Variants in PDZRN4 observed in about 807,000 individuals in gnomAD.
PDZRN4 encodes the protein PDZ domain containing ring finger 4.
In PDZRN4, 70 loss-of-function variants were observed where a neutral mutation model predicts 99.0. The observed-to-expected ratio is 0.71, with a 90% CI of 0.58 to 0.86. The LOEUF is 0.86. Ranked by LOEUF, PDZRN4 falls within the 40% of genes least tolerant of loss-of-function variation. The pLI is 0.00. For synonymous variants in PDZRN4, 551 were observed against 501.6 expected (o/e 1.10, Z -1.32); for missense variants, 1,474 against 1,331.2 (o/e 1.11, Z -1.67).
At chr12:41,550,982 T>C (rs1939043028) in intron 5 of PDZRN4, among the ~76,000 whole-genome samples, 1 of 152,224 alleles carries the variant, frequency 6.6e-6, no homozygotes, top group Non-Finnish European at 1.5e-5. Context: ...TTTTCCTTCA[T>C]TTTGTACTGG....
chr12:41,446,257 A>ATTTATTTATTTATTTATTTG (rs1449189657), intron 3 of PDZRN4, among the ~76,000 whole-genome samples: 1 of 150,440 alleles, frequency 6.6e-6, no homozygotes, highest in African/African-American at 2.4e-5. Context: ...TTATTTATTT[A>ATTTATTTATTTATTTATTTG]TTTATTTATT....
At chr12:41,342,964 C>T (rs909540411) in intron 3 of PDZRN4, among the ~76,000 whole-genome samples, 1 of 151,744 alleles carries the variant, frequency 6.6e-6, no homozygotes, top group Non-Finnish European at 1.5e-5. Flanking sequence ...CCCTAAGTAT[C>T]CAACAATTAA....
At position 41,572,473 on chromosome 12, in the gene PDZRN4, A is replaced by T; in HGVS notation, c.1694A>T (p.Asp565Val). 6.2e-7 allele frequency: 1 copy of T among 1,614,160 alleles called. No homozygotes were observed. The highest frequency in any genetic ancestry group is 8.5e-7 in the Non-Finnish European group (1 of 1,179,998). ...CGTACAGATGAAAGCTTGCGAAATGATGAGAGCTCAGAGCAGGAGAATGCA... is the reference window on the plus strand; with the variant it reads ...CGTACAGATGAAAGCTTGCGAAATGTTGAGAGCTCAGAGCAGGAGAATGCA... ...VGRTDESLRN[D>V]ESSEQENAAE... Residue 565 changes from aspartate (D) to valine (V), a missense_variant, in exon 10 of 10, where the codon GAT (aspartate) becomes GTT (valine). By Grantham distance (152) the Asp-to-Val change is radical. Transcript: ENST00000402685.
intron 3 of PDZRN4, among the ~76,000 whole-genome samples, chr12:41,464,210 A>G (rs1952902760): frequency 6.6e-6 from 1 of 152,198 alleles, no homozygotes; most frequent in Non-Finnish European, 1.5e-5. Flanking sequence ...CACATTCCAC[A>G]GATGATAAAA....
intron 3 of PDZRN4, among the ~76,000 whole-genome samples, chr12:41,316,496 A>G (rs551859008): frequency 2.1e-4 from 27 of 126,036 alleles, no homozygotes; most frequent in Admixed American, 3.1e-4. Context: ...GTGTGTGTGT[A>G]TAAAATAAAA....
intron 3 of PDZRN4, among the ~76,000 whole-genome samples, chr12:41,387,649 TA>T (rs1228416223): frequency 2.0e-5 from 3 of 152,086 alleles, no homozygotes; most frequent in Non-Finnish European, 4.4e-5. Flanking sequence ...AAGGAAGACA[TA>T]CAGCGGCCAA....
chr12:41,546,493 A>G (rs1249140109), intron 5 of PDZRN4, among the ~76,000 whole-genome samples: 1 of 152,220 alleles, frequency 6.6e-6, no homozygotes, highest in Non-Finnish European at 1.5e-5. Flanking sequence ...TCAGTCCCAT[A>G]AAACTGAATG....
intron 3 of PDZRN4, among the ~76,000 whole-genome samples, chr12:41,226,476 G>A (rs908663074): frequency 6.6e-6 from 1 of 151,884 alleles, no homozygotes; most frequent in East Asian, 1.9e-4. Context: ...AAGCTCTTGA[G>A]TAAATTTTGT....
intron 3 of PDZRN4, among the ~76,000 whole-genome samples, chr12:41,279,900 A>G (rs569260204): frequency 6.6e-6 from 1 of 152,304 alleles, no homozygotes; most frequent in South Asian, 2.1e-4. Flanking sequence ...GGTAGAAAAC[A>G]GCAACATAGG....
chr12:41,478,360 C>T (rs1036331329), intron 3 of PDZRN4, among the ~76,000 whole-genome samples: 36 of 152,140 alleles, frequency 2.4e-4, no homozygotes, highest in African/African-American at 8.2e-4. Context: ...AGGTGATCCG[C>T]CTGTCTCAGC....
At chr12:41,226,822 TATC>T (rs562354290) in intron 3 of PDZRN4, among the ~76,000 whole-genome samples, 2 of 152,276 alleles carry the variant, frequency 1.3e-5, no homozygotes, top group South Asian at 4.1e-4. Flanking sequence ...AGTGGCCAGA[TATC>T]ATAATATTGA....
intron 3 of PDZRN4, among the ~76,000 whole-genome samples, chr12:41,349,714 C>T (rs1016522991): frequency 1.3e-5 from 2 of 151,900 alleles, no homozygotes; most frequent in African/African-American, 4.8e-5. Flanking sequence ...GAATAAGGAG[C>T]TTTCTTGCTT....
chr12:41,413,700 G>A (rs972814687), intron 3 of PDZRN4, among the ~76,000 whole-genome samples: 1 of 151,988 alleles, frequency 6.6e-6, no homozygotes, highest in Non-Finnish European at 1.5e-5. Context: ...ATGAGTCTAT[G>A]GGTGCCCTTA....
At chr12:41,429,829 G>T (rs1952570871) in intron 3 of PDZRN4, among the ~76,000 whole-genome samples, 2 of 143,550 alleles carry the variant, frequency 1.4e-5, no homozygotes, top group Admixed American at 1.4e-4. Flanking sequence ...TATCACTGCT[G>T]TACTTACACT....
intron 3 of PDZRN4, among the ~76,000 whole-genome samples, chr12:41,466,388 G>C (rs145642129): frequency 9.2e-5 from 14 of 152,292 alleles, no homozygotes; most frequent in African/African-American, 3.4e-4. Flanking sequence ...GAAATTACAG[G>C]AGGATTAATC....
At position 41,555,644 on chromosome 12, in the gene PDZRN4, T is replaced by C. The variant is rs1939144989; in HGVS notation, c.1303-54T>C. 6.7e-6 allele frequency: 9 copies of C among 1,346,294 alleles called. No individual in the cohort carries two copies. In the East Asian group the frequency reaches 6.9e-5, roughly 10 times the overall value. 83.4% of individuals were successfully genotyped at this position (1,346,294 alleles called of 1,614,324 possible). On this transcript the variant is annotated intron_variant, in intron 6 of 9. Transcript: ENST00000402685. The stretch of plus-strand genomic sequence containing the variant: ...TATATTTTAAAGCCATATTTTTAAG[T>C]TCTTGAGGGAATGTTTCATACCCAG...
At position 41,249,744 on chromosome 12, in the gene PDZRN4, CTT is replaced by C. The variant is rs373440005; in HGVS notation, c.843+55558_843+55559del. On this transcript the variant is annotated intron_variant, in intron 3 of 9. Transcript: ENST00000402685. ...ATGCAGCCTTCCTTTGATTTGAAGA[CTT>C]TACACTTTGACATTTTCTGTTGACT... 1.4e-4 allele frequency among the ~76,000 whole-genome samples: 21 copies of C among 152,310 alleles called. 1 individual carries two copies. Among genetic ancestry groups the C allele is most frequent in the African/African-American group, 5.1e-4 (21 of 41,580 alleles).
chr12:41,425,067 TA>T lies in PDZRN4; in HGVS notation c.844-81383del, dbSNP rs567337144. ...CGAAACAACATTCACAACATATGAT[TA>T]AAAAATAAAATACTTTCAGTAACAG... On this transcript the variant is annotated intron_variant, in intron 3 of 9. Coordinates refer to ENST00000402685, the MANE Select transcript of PDZRN4 (RefSeq NM_001164595.2). Among the ~76,000 whole-genome samples, 5 of 152,136 alleles carry T rather than the reference TA, an allele frequency of 3.3e-5. 1 individual carries two copies. The South Asian group carries it at 6.2e-4, about 19-fold the overall frequency.
chr12:41,452,967 C>A (rs2608703), intron 3 of PDZRN4, among the ~76,000 whole-genome samples: 73,954 of 151,812 alleles, frequency 0.49, 18,448 homozygotes, highest in African/African-American at 0.61. Context: ...TGAAGGTAGT[C>A]GGACTGGGCA....
Sources: allele counts gnomAD v4.1 joint callset (sites outside exome capture counted in the v4.1 genomes callset), GRCh38; gene constraint gnomAD v4.1.1; transcripts MANE v1.5; gene names NCBI Gene and HGNC (gene_info 2026-07-23, HGNC 2026-07-21).